The following C17orf67 variants were observed in gnomAD, a reference collection of about 807,000 sequenced individuals.
C17orf67 encodes chromosome 17 open reading frame 67.
Under a neutral mutation model 11.2 loss-of-function variants are expected in C17orf67, and 12 were observed. The observed-to-expected ratio is 1.07, with a 90% confidence interval of 0.68 to 1.73. The LOEUF (loss-of-function observed/expected upper bound fraction) is 1.73. C17orf67 is among the 40% of genes most tolerant of loss of function. The pLI is 0.00. For missense variants in C17orf67, 115 were observed against 113.5 expected (o/e 1.01, Z -0.06); for synonymous variants, 59 against 46.9 (o/e 1.26, Z -1.05).
At chr17:56,822,068 G>A (rs561162542) in intron 4 of C17orf67, among the ~76,000 whole-genome samples, 23 of 152,276 alleles carry the variant, frequency 1.5e-4, no homozygotes, top group African/African-American at 4.3e-4. Context: ...AACCCAGCCC[G>A]GTCTATTTCA....
intron 6 of C17orf67, among the ~76,000 whole-genome samples, chr17:56,796,706 C>T (rs1247943163): frequency 1.3e-5 from 2 of 152,144 alleles, no homozygotes; most frequent in Admixed American, 6.5e-5. Context: ...TGCCCTCCCT[C>T]GTCTCTGCCA....
intron 6 of C17orf67, among the ~76,000 whole-genome samples, chr17:56,800,191 G>A (rs1441280962): frequency 1.4e-5 from 2 of 147,610 alleles, no homozygotes; most frequent in East Asian, 2.0e-4. Context: ...TTAGCCTCCC[G>A]AGTAGCTGGA....
chr17:56,815,221 T>C (rs1258381122), intron 5 of C17orf67, among the ~76,000 whole-genome samples: 1 of 152,212 alleles, frequency 6.6e-6, no homozygotes, highest in Non-Finnish European at 1.5e-5. Flanking sequence ...GTCCATCTCT[T>C]TGAAAGTGGG....
intron 6 of C17orf67, 101 bp downstream of exon 6, chr17:56,814,768 C>T (rs1905714808): frequency 3.5e-6 from 4 of 1,133,028 alleles, no homozygotes; most frequent in Non-Finnish European, 5.3e-6. Context: ...TCTAACCAAA[C>T]CCCTAACTAG....
At chr17:56,800,058 A>ATTTTTT (rs772880968) in intron 6 of C17orf67, among the ~76,000 whole-genome samples, 20 of 96,284 alleles carry the variant, frequency 2.1e-4, no homozygotes, top group East Asian at 2.9e-4. Flanking sequence ...TTGCAAACTA[A>ATTTTTT]TTTTTTTTTT....
intron 2 of C17orf67, among the ~76,000 whole-genome samples, chr17:56,826,311 C>T (rs1013185794): frequency 1.3e-4 from 20 of 152,256 alleles, no homozygotes; most frequent in African/African-American, 4.1e-4. Context: ...CTAATTTAAG[C>T]GTTCTGCATC....
chr17:56,792,572 G>C (rs2144104547), intron 7 of C17orf67, among the ~76,000 whole-genome samples: 1 of 149,458 alleles, frequency 6.7e-6, no homozygotes, highest in South Asian at 2.2e-4. Flanking sequence ...GGTGATGATG[G>C]TGATTGTGGT....
intron 6 of C17orf67, among the ~76,000 whole-genome samples, chr17:56,813,695 C>T (rs1905685916): frequency 6.6e-6 from 1 of 152,108 alleles, no homozygotes; most frequent in Non-Finnish European, 1.5e-5. Context: ...CCTACAGCCC[C>T]GGCACCTAGC....
intron 2 of C17orf67, among the ~76,000 whole-genome samples, chr17:56,828,265 C>A (rs1185056224): frequency 6.6e-6 from 1 of 151,980 alleles, no homozygotes; most frequent in Non-Finnish European, 1.5e-5. Context: ...ATTAGCTGGA[C>A]GTGGTGGCGC....
intron 6 of C17orf67, chr17:56,804,253 G>A (rs1407009443): frequency 6.6e-6 from 1 of 152,170 alleles, no homozygotes; most frequent in East Asian, 1.9e-4. Flanking sequence ...ATACCCACCA[G>A]AACTTGACCT....
At chr17:56,794,941 A>G (rs1905180321) in intron 7 of C17orf67, 103 bp downstream of exon 7, 3 of 732,582 alleles carry the variant, frequency 4.1e-6, no homozygotes, top group Non-Finnish European at 4.5e-6. Flanking sequence ...CCAGCTAACC[A>G]GCTGGCCCCC....
intron 6 of C17orf67, among the ~76,000 whole-genome samples, chr17:56,805,088 A>C (rs1430842082): frequency 6.6e-6 from 1 of 152,214 alleles, no homozygotes; most frequent in Non-Finnish European, 1.5e-5. Flanking sequence ...CCATCTCCTC[A>C]AGTAATTTAG....
At chr17:56,831,260 CGA>C (rs1906193098) in intron 2 of C17orf67, among the ~76,000 whole-genome samples, 1 of 151,930 alleles carries the variant, frequency 6.6e-6, no homozygotes, top group Admixed American at 6.6e-5. Context: ...TGCCAGAGAC[CGA>C]GAGACTCACT....
intron 7 of C17orf67, among the ~76,000 whole-genome samples, chr17:56,794,492 G>GT (rs1324218104): frequency 6.6e-6 from 1 of 152,098 alleles, no homozygotes; most frequent in Non-Finnish European, 1.5e-5. Context: ...CATGCAGGGT[G>GT]TGGGGGGAAA....
intron 6 of C17orf67, among the ~76,000 whole-genome samples, chr17:56,814,009 T>G (rs1474564009): frequency 6.6e-6 from 1 of 152,184 alleles, no homozygotes; most frequent in Non-Finnish European, 1.5e-5. Flanking sequence ...TATATCTTAA[T>G]AAGAGCCTTT....
chr17:56,815,923 T>TA lies in C17orf67; in HGVS notation c.-114dup, dbSNP rs763592296. 15 of 1,575,888 alleles carry TA rather than the reference T, an allele frequency of 9.5e-6. No homozygotes were observed. The highest frequency in any genetic ancestry group is 5.0e-5 in the Admixed American group (3 of 59,434). ...TGTTTATGCTTTGACTAACGGGACT[T>TA]ACGGTATGATGCTGAATGTATCTGA... On this transcript the variant is annotated 5_prime_UTR_variant, in exon 5 of 8. An upstream open reading frame in the 5' UTR gains an earlier in-frame stop. Transcript: ENST00000397861.
chr17:56,810,167 A>C, intron 6 of C17orf67, among the ~76,000 whole-genome samples: 1 of 114,522 alleles, frequency 8.7e-6, no homozygotes. Flanking sequence ...CCCCCACCTC[A>C]CACACACTCC....
chr17:56,830,138 T>G (rs1405266175), intron 2 of C17orf67, among the ~76,000 whole-genome samples: 1 of 150,838 alleles, frequency 6.6e-6, no homozygotes, highest in Non-Finnish European at 1.5e-5. Flanking sequence ...GGTCAGGAGA[T>G]CAGGACCATC....
rs974074285 is a variant in C17orf67 at position 56,815,061 on chromosome 17, A to G, written c.56-92T>C. ...CCAAGGCAAAAGATTTGCAAGTTCA[A>G]TTTTGGTTAAAACATGAAAGTTCTT... On this transcript the variant is annotated intron_variant, in intron 5 of 7. Coordinates refer to ENST00000397861, the MANE Select transcript of C17orf67 (RefSeq NM_001085430.4). 32 of 1,117,250 alleles carry G rather than the reference A, an allele frequency of 2.9e-5. No homozygotes were observed. The African/African-American group carries it at 3.8e-4, about 13-fold the overall frequency. The allele number at this position is 1,117,250 out of a possible 1,614,324, so 69.2% of individuals were successfully genotyped here. A position where few individuals can be genotyped will look rare whatever the true frequency, so the allele number is the denominator to read the frequency against.
Sources: allele counts gnomAD v4.1 joint callset (sites outside exome capture counted in the v4.1 genomes callset), GRCh38; gene constraint gnomAD v4.1.1; transcripts MANE v1.5; gene names NCBI Gene and HGNC (gene_info 2026-07-23, HGNC 2026-07-21).